EPB41L3: variants seen among roughly 807,000 people sequenced by gnomAD.
EPB41L3 encodes band 4.1-like protein 3.
In EPB41L3, 57 loss-of-function variants were observed where a neutral mutation model predicts 127.1. The ratio of observed to expected loss-of-function variants is 0.45; its 90% CI spans 0.36 to 0.56. The LOEUF (loss-of-function observed/expected upper bound fraction) is 0.56, where lower values mean the gene tolerates loss of function less well. EPB41L3 is among the 20% of genes least tolerant of loss of function. The pLI, the probability that EPB41L3 is intolerant of heterozygous loss-of-function variation, is 0.00. For missense variants in EPB41L3, 1,273 were observed against 1,372.2 expected (o/e 0.93, Z 1.14); for synonymous variants, 572 against 549.5 (o/e 1.04, Z -0.57).
intron 3 of EPB41L3, among the ~76,000 whole-genome samples, chr18:5,598,007 C>A (rs2094553538): frequency 6.6e-6 from 1 of 152,120 alleles, no homozygotes; most frequent in South Asian, 2.1e-4. Flanking sequence ...GCAGTTCTGT[C>A]AAAGATGAAG....
At chr18:5,583,739 T>G (rs1263189929) in intron 3 of EPB41L3, among the ~76,000 whole-genome samples, 2 of 151,580 alleles carry the variant, frequency 1.3e-5, no homozygotes, top group Non-Finnish European at 2.9e-5. Context: ...AAGAGCTATA[T>G]TTTTTTTTCA....
chr18:5,513,922 G>A (rs2092648533), intron 1 of EPB41L3, among the ~76,000 whole-genome samples: 1 of 152,102 alleles, frequency 6.6e-6, no homozygotes, highest in African/African-American at 2.4e-5. Context: ...CCAGAAGTCT[G>A]ATGATAAAAT....
rs750152997 is a variant in EPB41L3 at position 5,396,286 on chromosome 18, G to A, written c.2888C>T (p.Pro963Leu). 78 of 1,613,996 alleles carry A rather than the reference G, an allele frequency of 4.8e-5. No individual in the cohort carries two copies. In the South Asian group the frequency reaches 6.1e-4, roughly 13 times the overall value. Residue 963 changes from proline (P) to leucine (L), a missense_variant, in exon 19 of 23, where the codon CCG becomes CTG. Physicochemically the swap from Pro to Leu is moderately conservative, Grantham distance 98 (BLOSUM62 -3). Coordinates refer to ENST00000341928, the MANE Select transcript of EPB41L3 (RefSeq NM_012307.5). ...GGAAATTTCTAGCTTTACTCCTCCC[G>A]GTGAAACACTGCCAAAACTGATGGT... ...TETISFGSVS[P>L]GGVKLEISTK...
rs1232884692 is a variant in EPB41L3, at chr18:5,445,160, G to T, written c.466C>A (p.Arg156=). Reference sequence around the variant, plus strand: ...CTCACCTTCTGGTTTTCAGCATCTCGATACGTAAGCCCAAAGTAGTCTTTC... The same window carrying T: ...CTCACCTTCTGGTTTTCAGCATCTCTATACGTAAGCCCAAAGTAGTCTTTC... ...LEKDYFGLTY[R]DAENQKNWLD... The change falls in exon 4 of 23, where the codon CGA becomes AGA. Residue 156 remains arginine, a synonymous_variant. Coordinates refer to ENST00000341928, the MANE Select transcript of EPB41L3 (RefSeq NM_012307.5). 4 of 1,613,792 alleles carry T rather than the reference G, an allele frequency of 2.5e-6. No homozygotes were observed. The highest frequency in any genetic ancestry group is 3.4e-6 in the Non-Finnish European group (4 of 1,179,918).
intron 1 of EPB41L3, among the ~76,000 whole-genome samples, chr18:5,505,289 G>T (rs1350045469): frequency 6.6e-6 from 1 of 152,082 alleles, no homozygotes; most frequent in Non-Finnish European, 1.5e-5. Flanking sequence ...TGACGCCAAA[G>T]AAAATACAAA....
chr18:5,489,111 C>G lies in EPB41L3; in HGVS notation c.73G>C (p.Ala25Pro), dbSNP rs376398436. 1.9e-6 allele frequency: 3 copies of G among 1,594,620 alleles called. No individual in the cohort carries two copies. The highest frequency in any genetic ancestry group is 2.6e-6 in the Non-Finnish European group (3 of 1,174,814). Residue 25 changes from alanine to proline, a missense_variant, in exon 2 of 23, where the codon GCG becomes CCG. This residue lies in a region of EPB41L3 where 182 missense variants were observed against 149.2 expected (regional missense o/e 1.22). Coordinates refer to ENST00000341928, the MANE Select transcript of EPB41L3 (RefSeq NM_012307.5). ...QEAEPQEAAGAQGRAGAPVPE... is the reference protein window; with the variant it reads ...QEAEPQEAAGPQGRAGAPVPE... ...ACGGGCGCCCCCGCGCGCCCCTGCG[C>G]CCCCGCCGCCTCCTGGGGCTCGGCC...
chr18:5,407,628 G>C (rs1299715076), intron 15 of EPB41L3, 73 bp downstream of exon 15: 14 of 1,501,394 alleles, frequency 9.3e-6, no homozygotes, highest in Non-Finnish European at 1.3e-5. Flanking sequence ...TCTGAACGCT[G>C]TAGACAAACA....
At chr18:5,559,677 G>T (rs2094095520) in intron 3 of EPB41L3, among the ~76,000 whole-genome samples, 1 of 151,942 alleles carries the variant, frequency 6.6e-6, no homozygotes, top group Non-Finnish European at 1.5e-5. Context: ...ATGATTATTT[G>T]ATGTAATTTG....
At chr18:5,459,195 G>A (rs780852392) in intron 3 of EPB41L3, among the ~76,000 whole-genome samples, 1 of 152,130 alleles carries the variant, frequency 6.6e-6, no homozygotes, top group Admixed American at 6.5e-5. Context: ...CGACTCAAGC[G>A]GCTGAGGAAA....
At chr18:5,407,304 C>A in intron 15 of EPB41L3, 1 of 388,314 alleles carries the variant, frequency 2.6e-6, no homozygotes, top group Non-Finnish European at 4.6e-6. Context: ...AATAACAAAT[C>A]AGAAGCTGAG....
intron 3 of EPB41L3, among the ~76,000 whole-genome samples, chr18:5,594,777 G>A (rs1286398289): frequency 2.0e-5 from 3 of 152,104 alleles, no homozygotes; most frequent in Admixed American, 2.0e-4. Flanking sequence ...TGATCAAGTT[G>A]GAAAACCACT....
At chr18:5,429,947 G>A (rs1261240599) in intron 8 of EPB41L3, among the ~76,000 whole-genome samples, 1 of 152,160 alleles carries the variant, frequency 6.6e-6, no homozygotes, top group African/African-American at 2.4e-5. Flanking sequence ...CAGAGTGCAG[G>A]AACGAGGACG....
At position 5,489,110 on chromosome 18, in the gene EPB41L3, G is replaced by C; in HGVS notation, c.74C>G (p.Ala25Gly). ...QEAEPQEAAGAQGRAGAPVPE... is the reference protein window; with the variant it reads ...QEAEPQEAAGGQGRAGAPVPE... ...CACGGGCGCCCCCGCGCGCCCCTGC[G>C]CCCCCGCCGCCTCCTGGGGCTCGGC... The change falls in exon 2 of 23, where the codon GCG becomes GGG. Residue 25 changes from alanine to glycine, a missense_variant. By Grantham distance (60) the Ala-to-Gly change is moderately conservative (BLOSUM62 0). Coordinates refer to ENST00000341928, the MANE Select transcript of EPB41L3 (RefSeq NM_012307.5). The C allele has an allele frequency of 6.3e-7, 1 of 1,594,180 alleles. No homozygotes were observed. The highest frequency in any genetic ancestry group is 8.5e-7 in the Non-Finnish European group (1 of 1,174,734).
intron 1 of EPB41L3, among the ~76,000 whole-genome samples, chr18:5,515,583 C>T (rs528541305): frequency 2.6e-5 from 4 of 152,096 alleles, no homozygotes; most frequent in Non-Finnish European, 5.9e-5. Context: ...GGCACCATCA[C>T]CAGGATTAAC....
Position 5,474,768 on chromosome 18 carries a change from T to C in EPB41L3, c.381+3473A>G, listed in dbSNP as rs140063441. ...TTCCACCTCTTTCAGTCTGGTTTCT[T>C]TGTGTCTGCATGTCTCTTCTGTCCA... is the stretch of plus-strand genomic sequence containing the variant. On this transcript the variant is annotated intron_variant, in intron 3 of 22. Transcript: ENST00000341928. Among the ~76,000 whole-genome samples, 20 of 152,276 alleles carry C rather than the reference T, an allele frequency of 1.3e-4. No individual in the cohort carries two copies. The East Asian group carries it at 3.7e-3, about 28-fold the overall frequency.
chr18:5,526,441 C>T (rs1719954), intron 1 of EPB41L3, among the ~76,000 whole-genome samples: 31,919 of 152,060 alleles, frequency 0.21, 3,580 homozygotes, highest in African/African-American at 0.28. Context: ...TGCACTGATC[C>T]GAGTGCCTCC....
chr18:5,614,272 C>T (rs893108864), intron 2 of EPB41L3: 2 of 152,292 alleles, frequency 1.3e-5, no homozygotes, highest in East Asian at 3.9e-4. Flanking sequence ...TCTTCATCAC[C>T]TTATAATGAA....
intron 1 of EPB41L3, among the ~76,000 whole-genome samples, chr18:5,500,184 A>C (rs904441336): frequency 2.0e-5 from 3 of 152,210 alleles, no homozygotes; most frequent in African/African-American, 4.8e-5. Context: ...AAAATTTCCA[A>C]GCATTCCTTT....
intron 3 of EPB41L3, among the ~76,000 whole-genome samples, chr18:5,565,290 T>A (rs1209518590): frequency 2.0e-5 from 3 of 151,170 alleles, no homozygotes; most frequent in Admixed American, 6.6e-5. Context: ...TGTGTGCCTG[T>A]AATCCCAGAT....
Sources: allele counts gnomAD v4.1 joint callset (sites outside exome capture counted in the v4.1 genomes callset), GRCh38; gene constraint gnomAD v4.1.1; regional missense constraint gnomAD v4.1.1; transcripts MANE v1.5; gene names NCBI Gene and HGNC (gene_info 2026-07-23, HGNC 2026-07-21).